Variants in CRYBG3 observed in about 807,000 individuals in gnomAD.
CRYBG3 encodes the protein crystallin beta-gamma domain containing 3, also known as very large A-kinase anchor protein.
In CRYBG3, 127 loss-of-function variants were observed where a neutral mutation model predicts 244.2. That is an observed-to-expected ratio of 0.52 (90% CI 0.45 to 0.60). The LOEUF is 0.60. Among genes scored for constraint, CRYBG3 ranks in the 20% least tolerant of loss-of-function variants. CRYBG3 has a pLI of 0.00. For synonymous variants in CRYBG3, 1,132 were observed against 1,195.8 expected (o/e 0.95, Z 1.10); for missense variants, 3,325 against 3,442.5 (o/e 0.97, Z 0.85).
At chr3:97,924,365 A>G (rs1248484548) in intron 17 of CRYBG3, 1 of 451,660 alleles carries the variant, frequency 2.2e-6, no homozygotes, top group African/African-American at 2.0e-5. Flanking sequence ...ATACTGCAGT[A>G]GGATGGATTT....
intron 3 of CRYBG3, among the ~76,000 whole-genome samples, chr3:97,868,066 G>A (rs1353917499): frequency 3.3e-5 from 5 of 152,126 alleles, no homozygotes; most frequent in South Asian, 4.1e-4. Context: ...GGCGGATCAC[G>A]AGGTCAGGAG....
chr3:97,863,062 ATGT>A (rs1303881301), intron 2 of CRYBG3, among the ~76,000 whole-genome samples: 1 of 152,128 alleles, frequency 6.6e-6, no homozygotes, highest in Non-Finnish European at 1.5e-5. Context: ...TATAATTATG[ATGT>A]TCTTGCCTTC....
chr3:97,893,703 T>C (rs563405779), intron 11 of CRYBG3, among the ~76,000 whole-genome samples: 1 of 152,250 alleles, frequency 6.6e-6, no homozygotes, highest in South Asian at 2.1e-4. Flanking sequence ...TCTCTGTTGA[T>C]ACATTGGTTA....
intron 2 of CRYBG3, among the ~76,000 whole-genome samples, chr3:97,853,602 G>C (rs994317984): frequency 1.3e-5 from 2 of 152,110 alleles, no homozygotes; most frequent in African/African-American, 4.8e-5. Context: ...TAAAATGGTA[G>C]ATCTACTTTT....
rs1415621206 is a variant in CRYBG3 at position 97,843,264 on chromosome 3, A to G, written c.216+3A>G. 2 of 1,360,248 alleles carry G rather than the reference A, an allele frequency of 1.5e-6. No homozygotes were observed. Among genetic ancestry groups the G allele is most frequent in the Middle Eastern group, 1.9e-4 (1 of 5,290 alleles). The allele number at this position is 1,360,248 out of a possible 1,614,324, so 84.3% of individuals were successfully genotyped here. ...TACTTTCATCAGAAGCAGTAAAGGT[A>G]TAGTTTTAAATTAATATTATTTTAT... is the stretch of plus-strand genomic sequence containing the variant. On this transcript the variant is annotated splice_donor_region_variant and intron_variant, in intron 2 of 21. Coordinates refer to ENST00000389622, the MANE Select transcript of CRYBG3 (RefSeq NM_153605.4).
At chr3:97,835,327 G>A (rs891697971) in intron 1 of CRYBG3, among the ~76,000 whole-genome samples, 7 of 152,034 alleles carry the variant, frequency 4.6e-5, no homozygotes, top group African/African-American at 1.7e-4. Flanking sequence ...CACCATAATG[G>A]AAGTGGTGAG....
chr3:97,907,238 T>G (rs1036976068), intron 15 of CRYBG3, among the ~76,000 whole-genome samples: 8 of 152,220 alleles, frequency 5.3e-5, no homozygotes, highest in Non-Finnish European at 1.2e-4. Flanking sequence ...CTGGCTTTGG[T>G]ATCAGAATGA....
chr3:97,859,145 G>T (rs546413639), intron 2 of CRYBG3, among the ~76,000 whole-genome samples: 3 of 152,228 alleles, frequency 2.0e-5, no homozygotes, highest in Admixed American at 1.3e-4. Flanking sequence ...TTTGCTGGGG[G>T]CAGTATCGTC....
intron 1 of CRYBG3, among the ~76,000 whole-genome samples, chr3:97,842,268 A>AT (rs1278234425): frequency 1.3e-5 from 2 of 152,146 alleles, no homozygotes; most frequent in Non-Finnish European, 2.9e-5. Context: ...AGATATAAAT[A>AT]TTTAGTTCTG....
chr3:97,864,190 T>C (rs1226319814), intron 2 of CRYBG3, 27 bp from the exon 3 acceptor site: 1 of 1,445,168 alleles, frequency 6.9e-7, no homozygotes, highest in Non-Finnish European at 9.1e-7. Context: ...ATAATGATGC[T>C]TATGATTGTC....
At chr3:97,878,636 A>G (rs1165270709) in intron 4 of CRYBG3, among the ~76,000 whole-genome samples, 1 of 152,242 alleles carries the variant, frequency 6.6e-6, no homozygotes, top group Non-Finnish European at 1.5e-5. Context: ...AAGTGACAAC[A>G]TTCCAAATTT....
chr3:97,841,586 C>T (rs776652133), intron 1 of CRYBG3, among the ~76,000 whole-genome samples: 3 of 151,984 alleles, frequency 2.0e-5, no homozygotes, highest in Non-Finnish European at 4.4e-5. Flanking sequence ...TGGCATAAAT[C>T]GTGTCCTCTC....
At chr3:97,910,369 T>A (rs1417324985) in intron 15 of CRYBG3, among the ~76,000 whole-genome samples, 6 of 152,306 alleles carry the variant, frequency 3.9e-5, no homozygotes, top group East Asian at 3.9e-4. Context: ...TTGCAGTTTG[T>A]TCTCAGACTG....
In CRYBG3 at chr3:97,900,153, G is replaced by C. The variant is rs535517642; in HGVS notation, c.7972-300G>C. The stretch of plus-strand genomic sequence containing the variant: ...CCTAAAGCCTAGTAGTTCGACACCA[G>C]CCTGAGCAACACAGTGAGACCTCGT... On this transcript the variant is annotated intron_variant, in intron 14 of 21. Coordinates refer to ENST00000389622, the MANE Select transcript of CRYBG3 (RefSeq NM_153605.4). Among the ~76,000 whole-genome samples the C allele has an allele frequency of 2.6e-5, 4 of 151,984 alleles. No individual in the cohort carries two copies. The East Asian group carries it at 7.8e-4, about 29-fold the overall frequency.
intron 1 of CRYBG3, among the ~76,000 whole-genome samples, chr3:97,838,579 T>C (rs1019569681): frequency 3.9e-5 from 6 of 152,034 alleles, no homozygotes; most frequent in African/African-American, 1.4e-4. Flanking sequence ...AGACATGAGT[T>C]CTGAAAGAAT....
chr3:97,831,125 A>AC (rs1186582929), intron 1 of CRYBG3, among the ~76,000 whole-genome samples: 2 of 152,102 alleles, frequency 1.3e-5, no homozygotes, highest in African/African-American at 4.8e-5. Context: ...ATGCTTATAT[A>AC]CCCCACCTCT....
intron 15 of CRYBG3, among the ~76,000 whole-genome samples, chr3:97,904,289 T>A (rs963675526): frequency 3.9e-5 from 6 of 152,192 alleles, no homozygotes; most frequent in Non-Finnish European, 8.8e-5. Context: ...TAATTCTGGG[T>A]GAATCATATA....
At chr3:97,867,655 T>C (rs1337904148) in intron 3 of CRYBG3, among the ~76,000 whole-genome samples, 2 of 152,226 alleles carry the variant, frequency 1.3e-5, no homozygotes, top group Admixed American at 6.5e-5. Flanking sequence ...TATTTTACTT[T>C]TCTTCTTACT....
In CRYBG3 at chr3:97,824,445, A is replaced by G. The variant is rs11918911; in HGVS notation, c.149+2090A>G. 1.5e-3 allele frequency among the ~76,000 whole-genome samples: 233 copies of G among 152,350 alleles called. 1 individual carries two copies. The highest frequency in any genetic ancestry group is 5.3e-3 in the African/African-American group (220 of 41,582). ...TAATTATGAGACCCGTAAAAGTCGA[A>G]TTTACAACATCCTGAAACTGTTTTT... On this transcript the variant is annotated intron_variant, in intron 1 of 21. Coordinates refer to ENST00000389622, the MANE Select transcript of CRYBG3 (RefSeq NM_153605.4).
Sources: allele counts gnomAD v4.1 joint callset (sites outside exome capture counted in the v4.1 genomes callset), GRCh38; gene constraint gnomAD v4.1.1; transcripts MANE v1.5; gene names NCBI Gene and HGNC (gene_info 2026-07-23, HGNC 2026-07-21).